NRXN3: variants seen among roughly 807,000 people sequenced by gnomAD.
NRXN3 encodes neurexin 3.
Under a neutral mutation model 137.6 loss-of-function variants are expected in NRXN3, and 32 were observed. That is an observed-to-expected ratio of 0.23 (90% CI 0.18 to 0.31). NRXN3 has a LOEUF of 0.31. Ranked by LOEUF, NRXN3 falls within the 10% of genes least tolerant of loss-of-function variation. The pLI is 1.00. For missense variants in NRXN3, 1,574 were observed against 2,062.5 expected, an observed-to-expected ratio of 0.76 and a Z score of 4.59; for synonymous variants, 798 against 784.5, an observed-to-expected ratio of 1.02 and a Z score of -0.29.
intron 15 of NRXN3, among the ~76,000 whole-genome samples, chr14:79,273,413 T>A (rs537899686): frequency 6.6e-6 from 1 of 151,882 alleles, no homozygotes; most frequent in East Asian, 2.0e-4. Context: ...GACGAGCGGA[T>A]CACGAGGTCA....
chr14:79,666,745 C>T (rs532090743), intron 17 of NRXN3, among the ~76,000 whole-genome samples: 2 of 152,104 alleles, frequency 1.3e-5, no homozygotes, highest in Non-Finnish European at 2.9e-5. Flanking sequence ...GGTCACTTTC[C>T]AATGATCACA....
chr14:79,168,848 T>C (rs1015877246), intron 15 of NRXN3, among the ~76,000 whole-genome samples: 4 of 152,070 alleles, frequency 2.6e-5, no homozygotes, highest in African/African-American at 9.7e-5. Context: ...AAATTTATAG[T>C]ATGTGGTATC....
At chr14:78,495,793 T>G (rs925709056) in intron 4 of NRXN3, among the ~76,000 whole-genome samples, 11 of 152,182 alleles carry the variant, frequency 7.2e-5, no homozygotes, top group Admixed American at 4.6e-4. Flanking sequence ...CTTCTGGATC[T>G]CTGACCAGCA....
chr14:79,493,877 G>A (rs2096740966), intron 16 of NRXN3, among the ~76,000 whole-genome samples: 1 of 152,176 alleles, frequency 6.6e-6, no homozygotes, highest in Non-Finnish European at 1.5e-5. Context: ...CAAAGGTTCT[G>A]CTGTATACTG....
Position 79,865,023 on chromosome 14 carries a change from T to C in NRXN3, c.*3059T>C, listed in dbSNP as rs2099417538. On this transcript the variant is annotated 3_prime_UTR_variant, in exon 21 of 21. Transcript: ENST00000335750. ...GCCTCGGCCTCCCAAAGTGCTGGGA[T>C]TACAGGCGTGAGCCACCGCGCCCGG... 1 of 152,162 alleles carries C rather than the reference T, an allele frequency of 6.6e-6. No individual in the cohort carries two copies. Among genetic ancestry groups the C allele is most frequent in the South Asian group, 2.1e-4 (1 of 4,824 alleles). 9.4% of individuals were successfully genotyped at this position (152,162 alleles called of 1,614,324 possible).
At chr14:78,583,042 C>G (rs1008951116) in intron 4 of NRXN3, among the ~76,000 whole-genome samples, 4 of 152,108 alleles carry the variant, frequency 2.6e-5, no homozygotes, top group African/African-American at 9.7e-5. Flanking sequence ...CTGTCAGGTG[C>G]CCTGTGGTTC....
intron 14 of NRXN3, among the ~76,000 whole-genome samples, chr14:78,983,868 A>AG (rs1238551800): frequency 8.0e-5 from 12 of 150,284 alleles, no homozygotes; most frequent in Middle Eastern, 3.4e-3. Flanking sequence ...AAAAAAAAAA[A>AG]AAAAGAAAAA....
chr14:78,395,868 CTG>C (rs1323527367), intron 4 of NRXN3, among the ~76,000 whole-genome samples: 1 of 151,802 alleles, frequency 6.6e-6, no homozygotes, highest in Non-Finnish European at 1.5e-5. Flanking sequence ...TTCATCCTGT[CTG>C]TATCACTCTA....
intron 15 of NRXN3, among the ~76,000 whole-genome samples, chr14:79,204,021 G>A (rs182417237): frequency 3.3e-5 from 5 of 152,158 alleles, no homozygotes; most frequent in South Asian, 2.1e-4. Flanking sequence ...GTTGGGTAGC[G>A]ATATATGCAG....
chr14:79,018,783 G>A (rs572094020), intron 15 of NRXN3, among the ~76,000 whole-genome samples: 1 of 152,248 alleles, frequency 6.6e-6, no homozygotes, highest in South Asian at 2.1e-4. Context: ...GCCTCCAAGA[G>A]AATAAATTGT....
intron 15 of NRXN3, among the ~76,000 whole-genome samples, chr14:79,413,597 T>C (rs1489373419): frequency 1.3e-5 from 2 of 152,092 alleles, no homozygotes; most frequent in African/African-American, 2.4e-5. Flanking sequence ...CCTGCTATGG[T>C]ACAGACTGCT....
At chr14:78,958,395 G>A (rs559866931) in intron 11 of NRXN3, among the ~76,000 whole-genome samples, 8 of 145,078 alleles carry the variant, frequency 5.5e-5, no homozygotes, top group East Asian at 2.0e-4. Flanking sequence ...TTGCTCTGTC[G>A]CCCAGGCTGG....
At chr14:78,179,842 G>GT (rs796341902) in intron 1 of NRXN3, among the ~76,000 whole-genome samples, 6,443 of 109,090 alleles carry the variant, frequency 0.059, 250 homozygotes, top group Non-Finnish European at 0.079. Context: ...CTGTTTTTTT[G>GT]TTTTTTTTTT....
intron 8 of NRXN3, among the ~76,000 whole-genome samples, chr14:78,767,569 A>G (rs998543667): frequency 2.6e-5 from 4 of 152,176 alleles, no homozygotes; most frequent in Non-Finnish European, 2.9e-5. Context: ...TGTGTGGGTT[A>G]CTAATTGTTA....
At chr14:79,411,887 C>T (rs760670542) in intron 15 of NRXN3, among the ~76,000 whole-genome samples, 14 of 152,070 alleles carry the variant, frequency 9.2e-5, no homozygotes, top group Admixed American at 2.6e-4. Flanking sequence ...GACAGATAAA[C>T]GGATTTTTCT....
chr14:79,134,853 G>A (rs1168829416), intron 15 of NRXN3, among the ~76,000 whole-genome samples: 1 of 152,086 alleles, frequency 6.6e-6, no homozygotes, highest in African/African-American at 2.4e-5. Context: ...CTCTATTGTA[G>A]CTTCTCTTTG....
chr14:79,306,685 T>C (rs1317102697), intron 15 of NRXN3, among the ~76,000 whole-genome samples: 3 of 152,206 alleles, frequency 2.0e-5, no homozygotes, highest in South Asian at 4.1e-4. Flanking sequence ...TTTCTACTTT[T>C]CCACTCAGCC....
chr14:78,272,608 G>T (rs1288717599), intron 2 of NRXN3, among the ~76,000 whole-genome samples: 1 of 152,140 alleles, frequency 6.6e-6, no homozygotes, highest in Non-Finnish European at 1.5e-5. Context: ...CCTTTCCTCT[G>T]TCCCTTGAAA....
In NRXN3 at chr14:78,783,790, G is replaced by A. The variant is rs114503179; in HGVS notation, c.2045-19830G>A. Among the ~76,000 whole-genome samples, 959 of 152,232 alleles carry A rather than the reference G, an allele frequency of 6.3e-3. 6 individuals are homozygous for A. The highest frequency in any genetic ancestry group is 0.022 in the African/African-American group (928 of 41,546). ...TAAAGTACACACAAAAAACAGTCCT[G>A]TAGGCACCGCCGATAATAAATGTAT... is the stretch of plus-strand genomic sequence containing the variant. On this transcript the variant is annotated intron_variant, in intron 8 of 20. Coordinates refer to ENST00000335750, the MANE Select transcript of NRXN3 (RefSeq NM_001330195.2).
Sources: allele counts gnomAD v4.1 joint callset (sites outside exome capture counted in the v4.1 genomes callset), GRCh38; gene constraint gnomAD v4.1.1; transcripts MANE v1.5; gene names NCBI Gene and HGNC (gene_info 2026-07-23, HGNC 2026-07-21).